ASTN1: variants seen among roughly 807,000 people sequenced by gnomAD.
ASTN1 encodes the protein astrotactin 1, also known as astrotactin-1.
Under a neutral mutation model 140.7 loss-of-function variants are expected in ASTN1, and 41 were observed. That is an observed-to-expected ratio of 0.29 (90% CI 0.23 to 0.38). The LOEUF (loss-of-function observed/expected upper bound fraction) is 0.38. Ranked by LOEUF, ASTN1 falls within the 10% of genes least tolerant of loss-of-function variation. The pLI is 1.00. For synonymous variants in ASTN1, 640 were observed against 652.2 expected, an observed-to-expected ratio of 0.98 and a Z score of 0.29; for missense variants, 1,479 against 1,678.8, an observed-to-expected ratio of 0.88 and a Z score of 2.08.
At chr1:177,107,047 G>A (rs191960548) in intron 1 of ASTN1, among the ~76,000 whole-genome samples, 3 of 152,282 alleles carry the variant, frequency 2.0e-5, no homozygotes, top group Admixed American at 2.0e-4. Flanking sequence ...ATTTGGGGCA[G>A]CTGGCAGTTT....
intron 14 of ASTN1, among the ~76,000 whole-genome samples, chr1:176,941,541 T>C (rs1315663353): frequency 2.0e-5 from 3 of 152,214 alleles, no homozygotes; most frequent in African/African-American, 7.2e-5. Flanking sequence ...TCCAATGGCA[T>C]GTGCAGGAAG....
intron 8 of ASTN1, among the ~76,000 whole-genome samples, chr1:176,966,317 G>A (rs1392848502): frequency 6.6e-6 from 1 of 152,204 alleles, no homozygotes; most frequent in Admixed American, 6.5e-5. Flanking sequence ...TTTGATAAAT[G>A]TATGGCAGTT....
rs951114768 is a variant in ASTN1, at chr1:176,882,714, C to T, written c.3362+145G>A. 6.9e-6 allele frequency: 8 copies of T among 1,154,582 alleles called. No individual in the cohort carries two copies. In the African/African-American group the frequency reaches 1.1e-4, roughly 16 times the overall value. The allele number at this position is 1,154,582 out of a possible 1,614,324, so 71.5% of individuals were successfully genotyped here. On this transcript the variant is annotated intron_variant, in intron 20 of 22. Coordinates refer to ENST00000361833, the MANE Select transcript of ASTN1 (RefSeq NM_004319.3). ...CAGTGTCTAAGTACTCGAGAACATTCTCTATAATGCCACCTGGGATAAGAC... is the reference window on the plus strand; with the variant it reads ...CAGTGTCTAAGTACTCGAGAACATTTTCTATAATGCCACCTGGGATAAGAC...
Position 177,002,596 on chromosome 1 carries a change from T to TA in ASTN1, c.1523+12194dup, listed in dbSNP as rs148985179. ...TTTTTTATCACACGCATTCCTTTTG[T>TA]AAAAAAAATAGATAAAGTAGAAAAC... is the stretch of plus-strand genomic sequence containing the variant. On this transcript the variant is annotated intron_variant, in intron 8 of 22. Coordinates refer to ENST00000361833, the MANE Select transcript of ASTN1 (RefSeq NM_004319.3). Among the ~76,000 whole-genome samples, 334 of 151,940 alleles carry TA rather than the reference T, an allele frequency of 2.2e-3. 2 individuals are homozygous for TA. The highest frequency in any genetic ancestry group is 3.5e-3 in the Non-Finnish European group (239 of 67,948).
rs187790173 is a variant in ASTN1, at chr1:176,987,787, A to G, written c.1524-22550T>C. Reference sequence around the variant, plus strand: ...CAGTGAGAGCAGTTAGGAAGATGTTATCAAATTTTAAAGGCAATGGATTGT... The same window carrying G: ...CAGTGAGAGCAGTTAGGAAGATGTTGTCAAATTTTAAAGGCAATGGATTGT... On this transcript the variant is annotated intron_variant, in intron 8 of 22. Transcript: ENST00000361833. 7.4e-4 allele frequency among the ~76,000 whole-genome samples: 112 copies of G among 152,318 alleles called. 2 individuals carry two copies. In the Middle Eastern group the frequency reaches 0.014, roughly 19 times the overall value.
At chr1:177,004,952 C>CA (rs1674919797) in intron 8 of ASTN1, among the ~76,000 whole-genome samples, 2 of 151,900 alleles carry the variant, frequency 1.3e-5, no homozygotes, top group South Asian at 2.1e-4. Context: ...AAAGTAAATG[C>CA]AAAAAAACCA....
chr1:176,985,845 TACAC>T (rs60769752), intron 8 of ASTN1, among the ~76,000 whole-genome samples: 28,738 of 129,410 alleles, frequency 0.22, 3,195 homozygotes, highest in East Asian at 0.46. Context: ...TCTCTCTCTC[TACAC>T]ACACACACAC....
At chr1:176,994,251 C>T (rs920621274) in intron 8 of ASTN1, among the ~76,000 whole-genome samples, 1 of 152,104 alleles carries the variant, frequency 6.6e-6, no homozygotes, top group African/African-American at 2.4e-5. Flanking sequence ...TCCTGTGGAT[C>T]TCAAACAGTC....
At position 176,956,673 on chromosome 1, in the gene ASTN1, C is replaced by A. The variant is rs114604126; in HGVS notation, c.1887+1005G>T. Among the ~76,000 whole-genome samples the A allele has an allele frequency of 5.9e-3, 894 of 152,286 alleles. 14 individuals carry two copies. Among genetic ancestry groups the A allele is most frequent in the African/African-American group, 0.021 (872 of 41,548 alleles). ...TCCTCCCTGCCTCCCCTGACCCATT[C>A]CCTCTCCTCTCTTGAGGACTACATC... On this transcript the variant is annotated intron_variant, in intron 11 of 22. Transcript: ENST00000361833.
At chr1:177,065,005 A>G (rs1335914451) in intron 1 of ASTN1, among the ~76,000 whole-genome samples, 1 of 152,210 alleles carries the variant, frequency 6.6e-6, no homozygotes, top group Non-Finnish European at 1.5e-5. Flanking sequence ...AGAAGAGGAA[A>G]TGCTCAGAAA....
chr1:177,024,854 G>A (rs543006610), intron 5 of ASTN1, 122 bp from the exon 6 acceptor site: 2 of 1,105,102 alleles, frequency 1.8e-6, no homozygotes. Context: ...AGCCCATGGA[G>A]GGAACTGTCT....
chr1:177,068,932 C>A (rs1007993994), intron 1 of ASTN1, among the ~76,000 whole-genome samples: 1 of 151,310 alleles, frequency 6.6e-6, no homozygotes, highest in Non-Finnish European at 1.5e-5. Flanking sequence ...GATTTTCCTA[C>A]CTCAGCTTCC....
rs1415660680 is a variant in ASTN1, at chr1:177,032,779, C to T, written c.542G>A (p.Cys181Tyr). Residue 181 changes from cysteine to tyrosine, a missense_variant, in exon 3 of 23, where the codon TGC (cysteine) becomes TAC (tyrosine). Transcript: ENST00000361833. ...GGGCTGCGGGACCCGGCGGCGTTTG[C>T]ACCAGCGCCGGCGAGTATACAGGAT... ...VMILYTRRRWCKRRRVPQPQK... is the reference protein window; with the variant it reads ...VMILYTRRRWYKRRRVPQPQK... The T allele has an allele frequency of 6.2e-7, 1 of 1,613,198 alleles. No homozygotes were observed. Among genetic ancestry groups the T allele is most frequent in the Non-Finnish European group, 8.5e-7 (1 of 1,180,020 alleles).
intron 1 of ASTN1, among the ~76,000 whole-genome samples, chr1:177,072,880 C>A (rs940056199): frequency 2.6e-5 from 4 of 152,074 alleles, no homozygotes; most frequent in East Asian, 1.9e-4. Context: ...TATTCTCATA[C>A]TTCACGGTAG....
At chr1:176,910,728 A>G (rs1189520783) in intron 16 of ASTN1, among the ~76,000 whole-genome samples, 1 of 152,182 alleles carries the variant, frequency 6.6e-6, no homozygotes, top group African/African-American at 2.4e-5. Context: ...CCCCCAGGCC[A>G]TGACTGGTAC....
rs143778673 is a variant in ASTN1, at chr1:177,132,168, C to G, written c.283+32226G>C. Among the ~76,000 whole-genome samples the G allele has an allele frequency of 5.4e-3, 822 of 152,178 alleles. 17 individuals carry two copies. Among genetic ancestry groups the G allele is most frequent in the African/African-American group, 0.019 (791 of 41,482 alleles). On this transcript the variant is annotated intron_variant, in intron 1 of 22. Coordinates refer to ENST00000361833, the MANE Select transcript of ASTN1 (RefSeq NM_004319.3). Reference sequence around the variant, plus strand: ...AACCAATACTGTGAACATATATTACCTTTATAATTGAAGGAGGTGAGGAAA... The same window carrying G: ...AACCAATACTGTGAACATATATTACGTTTATAATTGAAGGAGGTGAGGAAA...
chr1:176,980,325 C>G (rs570875938), intron 8 of ASTN1, among the ~76,000 whole-genome samples: 1 of 152,036 alleles, frequency 6.6e-6, no homozygotes, highest in African/African-American at 2.4e-5. Flanking sequence ...TTGAGGCTGA[C>G]AGGGAGGGTC....
intron 20 of ASTN1, 83 bp from the exon 21 acceptor site, chr1:176,876,720 T>G: frequency 7.4e-7 from 1 of 1,345,924 alleles, no homozygotes; most frequent in Admixed American, 2.0e-5. Context: ...ATGGCCCAGC[T>G]CTGCCTGAAT....
intron 5 of ASTN1, among the ~76,000 whole-genome samples, chr1:177,025,186 TGAGCTGGAA>T (rs1228799233): frequency 5.9e-5 from 9 of 152,198 alleles, no homozygotes; most frequent in Non-Finnish European, 1.0e-4. Context: ...AGGAACTTCC[TGAGCTGGAA>T]GAGCTTGTGC....
Sources: allele counts gnomAD v4.1 joint callset (sites outside exome capture counted in the v4.1 genomes callset), GRCh38; gene constraint gnomAD v4.1.1; transcripts MANE v1.5; gene names NCBI Gene and HGNC (gene_info 2026-07-23, HGNC 2026-07-21).